The following LPP variants were observed in gnomAD, a reference collection of about 807,000 sequenced individuals.
LPP encodes the protein LIM domain containing preferred translocation partner in lipoma.
LPP carries 38 observed loss-of-function variants against 60.4 expected under a neutral mutation model. The ratio of observed to expected loss-of-function variants is 0.63; its 90% confidence interval spans 0.49 to 0.83. The LOEUF is 0.83. Ranked by LOEUF, LPP falls within the 40% of genes least tolerant of loss-of-function variation. LPP has a pLI of 0.00. For synonymous variants in LPP, 328 were observed against 290.8 expected (o/e 1.13, Z -1.30); for missense variants, 902 against 783.6 (o/e 1.15, Z -1.80).
At chr3:188,834,866 G>T (rs1758008523) in intron 9 of LPP, among the ~76,000 whole-genome samples, 1 of 152,166 alleles carries the variant, frequency 6.6e-6, no homozygotes, top group African/African-American at 2.4e-5. Flanking sequence ...GATGAATTAT[G>T]TCCAATGGTT....
intron 2 of LPP, among the ~76,000 whole-genome samples, chr3:188,247,634 A>G (rs1727461571): frequency 6.6e-6 from 1 of 151,972 alleles, no homozygotes; most frequent in African/African-American, 2.4e-5. Context: ...CCCTGTTTCT[A>G]CTAAAAATAC....
chr3:188,228,016 C>T (rs868645662), intron 2 of LPP, among the ~76,000 whole-genome samples: 6 of 152,324 alleles, frequency 3.9e-5, no homozygotes, highest in Admixed American at 2.0e-4. Context: ...CTGGAAGCTC[C>T]GTGGGCAACC....
rs117585444 is a variant in LPP at position 188,379,952 on chromosome 3, G to A, written c.-9-26160G>A. ...GAATTGAAGTTAGAAATATAAGTTG[G>A]GAGCAGATCATGGAGATTATGAATG... is the stretch of plus-strand genomic sequence containing the variant. On this transcript the variant is annotated intron_variant, in intron 3 of 11. Coordinates refer to ENST00000617246, the MANE Select transcript of LPP (RefSeq NM_001375462.1). 9.4e-4 allele frequency among the ~76,000 whole-genome samples: 143 copies of A among 152,228 alleles called. 1 individual carries two copies. In the East Asian group the frequency reaches 0.023, roughly 24 times the overall value.
intron 9 of LPP, among the ~76,000 whole-genome samples, chr3:188,864,034 C>T (rs1765961549): frequency 6.6e-6 from 1 of 151,788 alleles, no homozygotes; most frequent in Admixed American, 6.6e-5. Context: ...GCCACATTAG[C>T]TCACATTGTC....
intron 8 of LPP, among the ~76,000 whole-genome samples, chr3:188,752,907 T>C (rs1728550009): frequency 6.6e-6 from 1 of 152,232 alleles, no homozygotes. Flanking sequence ...CCTGTCCTGA[T>C]TCGCCACCTG....
At chr3:188,254,814 A>G (rs1226414676) in intron 2 of LPP, among the ~76,000 whole-genome samples, 1 of 152,154 alleles carries the variant, frequency 6.6e-6, no homozygotes, top group Non-Finnish European at 1.5e-5. Flanking sequence ...GCCCTCCTGC[A>G]GTGTAACATC....
At chr3:188,510,940 G>T (rs751468880) in intron 5 of LPP, among the ~76,000 whole-genome samples, 1 of 151,814 alleles carries the variant, frequency 6.6e-6, no homozygotes, top group Non-Finnish European at 1.5e-5. Flanking sequence ...CCTACATGTA[G>T]TCTGCCTTCT....
intron 3 of LPP, among the ~76,000 whole-genome samples, chr3:188,342,699 A>C (rs1560273112): frequency 6.6e-6 from 1 of 152,188 alleles, no homozygotes; most frequent in Non-Finnish European, 1.5e-5. Flanking sequence ...CTTTGAGAAG[A>C]ATAAAATTGG....
intron 1 of LPP, among the ~76,000 whole-genome samples, chr3:188,173,911 C>A (rs756854236): frequency 6.6e-6 from 1 of 152,186 alleles, no homozygotes; most frequent in African/African-American, 2.4e-5. Context: ...GGGTTTGGAT[C>A]CAGGCTCCTC....
intron 1 of LPP, among the ~76,000 whole-genome samples, chr3:188,211,071 A>G (rs1734570691): frequency 6.6e-6 from 1 of 152,226 alleles, no homozygotes; most frequent in Non-Finnish European, 1.5e-5. Flanking sequence ...TAAGTATAAA[A>G]CAAATAATCA....
intron 2 of LPP, among the ~76,000 whole-genome samples, chr3:188,248,468 T>TTATATATATAGTTTTATATATA (rs528762603): frequency 1.2e-5 from 1 of 84,154 alleles, no homozygotes. Context: ...CAGTATAACT[T>TTATATATATAGTTTTATATATA]TATATATATA....
intron 6 of LPP, among the ~76,000 whole-genome samples, chr3:188,552,826 C>T (rs1442261263): frequency 6.6e-6 from 1 of 152,164 alleles, no homozygotes; most frequent in Non-Finnish European, 1.5e-5. Context: ...TAACCTTAAT[C>T]ACATCTGCAA....
chr3:188,546,344 C>G (rs554956546), intron 6 of LPP, among the ~76,000 whole-genome samples: 3 of 152,076 alleles, frequency 2.0e-5, no homozygotes, highest in Non-Finnish European at 4.4e-5. Context: ...ATTTCCATCC[C>G]TGTCTCTGTA....
At chr3:188,508,455 A>G (rs1814207463) in intron 5 of LPP, among the ~76,000 whole-genome samples, 2 of 152,254 alleles carry the variant, frequency 1.3e-5, no homozygotes, top group Non-Finnish European at 2.9e-5. Context: ...CAGTAGGGTG[A>G]GAATAATGCA....
intron 7 of LPP, among the ~76,000 whole-genome samples, chr3:188,703,237 T>C (rs1864836884): frequency 6.6e-6 from 1 of 152,186 alleles, no homozygotes; most frequent in Non-Finnish European, 1.5e-5. Context: ...TTTCAGCACC[T>C]CCCACCACAA....
In LPP at chr3:188,886,735, C is replaced by T. The variant is rs919809083; in HGVS notation, c.*12256C>T. ...TGTCTTCAAAACACACACACACACACATACACACACACACACACACACACA... is the reference window on the plus strand; with the variant it reads ...TGTCTTCAAAACACACACACACACATATACACACACACACACACACACACA... On this transcript the variant is annotated 3_prime_UTR_variant, in exon 12 of 12. Coordinates refer to ENST00000617246, the MANE Select transcript of LPP (RefSeq NM_001375462.1). 3.4e-5 allele frequency: 5 copies of T among 145,366 alleles called. No homozygotes were observed. Among genetic ancestry groups the T allele is most frequent in the African/African-American group, 8.2e-5 (2 of 24,408 alleles). 9.0% of individuals were successfully genotyped at this position (145,366 alleles called of 1,614,324 possible).
chr3:188,463,503 C>T (rs1000624299), intron 4 of LPP, among the ~76,000 whole-genome samples: 3 of 152,136 alleles, frequency 2.0e-5, no homozygotes, highest in African/African-American at 4.8e-5. Context: ...TCTGCGTGCA[C>T]GGTTTCTTCA....
chr3:188,276,732 C>T (rs1251671153), intron 2 of LPP, among the ~76,000 whole-genome samples: 1 of 146,606 alleles, frequency 6.8e-6, no homozygotes, highest in African/African-American at 2.6e-5. Flanking sequence ...TCTGTCTGTC[C>T]TCCTCTCCTG....
intron 7 of LPP, among the ~76,000 whole-genome samples, chr3:188,611,887 C>T (rs1026612014): frequency 3.9e-5 from 6 of 152,220 alleles, no homozygotes; most frequent in Admixed American, 2.0e-4. Flanking sequence ...ACTGCTAGAA[C>T]TGGATCTAAA....
Sources: allele counts gnomAD v4.1 joint callset (sites outside exome capture counted in the v4.1 genomes callset), GRCh38; gene constraint gnomAD v4.1.1; transcripts MANE v1.5; gene names NCBI Gene and HGNC (gene_info 2026-07-23, HGNC 2026-07-21).